Variants in ZNF804B observed in about 807,000 individuals in gnomAD.
ZNF804B encodes zinc finger 804B.
Under a neutral mutation model 101.4 loss-of-function variants are expected in ZNF804B, and 80 were observed. The observed-to-expected ratio is 0.79, with a 90% CI of 0.66 to 0.95. The LOEUF (loss-of-function observed/expected upper bound fraction) is 0.95, where lower values mean the gene tolerates loss of function less well. Among genes scored for constraint, ZNF804B ranks in the 40% least tolerant of loss-of-function variants. ZNF804B has a pLI of 0.00. For synonymous variants in ZNF804B, 622 were observed against 558.8 expected (o/e 1.11, Z -1.59); for missense variants, 1,673 against 1,561.9 (o/e 1.07, Z -1.20).
At chr7:89,001,911 C>A (rs987392507) in intron 1 of ZNF804B, among the ~76,000 whole-genome samples, 2 of 151,436 alleles carry the variant, frequency 1.3e-5, no homozygotes, top group East Asian at 3.9e-4. Context: ...TTAAAAGCAT[C>A]ATGTTATACA....
chr7:89,336,643 G>A lies in ZNF804B; in HGVS notation c.3661G>A (p.Ala1221Thr). Reference protein sequence around the residue: ...HTFLQHFAVSASLSSHSSHLP... With the variant: ...HTFLQHFAVSTSLSSHSSHLP... ...GTTCCTGCAGCATTTTGCTGTTTCTGCTTCCTTAAGTTCTCATAGCAGTCA... is the reference window on the plus strand; with the variant it reads ...GTTCCTGCAGCATTTTGCTGTTTCTACTTCCTTAAGTTCTCATAGCAGTCA... Residue 1221 changes from alanine to threonine, a missense_variant, in exon 4 of 4, where the codon GCT becomes ACT. By Grantham distance (58) the Ala-to-Thr change is moderately conservative. Coordinates refer to ENST00000333190, the MANE Select transcript of ZNF804B (RefSeq NM_181646.5). The A allele has an allele frequency of 8.7e-6, 14 of 1,614,036 alleles. No individual in the cohort carries two copies. The highest frequency in any genetic ancestry group is 1.1e-5 in the Non-Finnish European group (13 of 1,179,982).
chr7:89,053,770 A>T (rs901595802), intron 1 of ZNF804B, among the ~76,000 whole-genome samples: 1 of 151,532 alleles, frequency 6.6e-6, no homozygotes, highest in Non-Finnish European at 1.5e-5. Context: ...GTATACTCTT[A>T]TGCACTCAGA....
chr7:88,969,991 C>A (rs1793507512), intron 1 of ZNF804B, among the ~76,000 whole-genome samples: 1 of 151,422 alleles, frequency 6.6e-6, no homozygotes, highest in African/African-American at 2.4e-5. Flanking sequence ...CTCAACTGGT[C>A]TCTTCCTCCT....
intron 1 of ZNF804B, among the ~76,000 whole-genome samples, chr7:89,126,544 A>C (rs570762677): frequency 1.3e-5 from 2 of 152,154 alleles, no homozygotes; most frequent in Admixed American, 1.3e-4. Context: ...TAGAATGTCC[A>C]TCAAGAGAAT....
intron 2 of ZNF804B, among the ~76,000 whole-genome samples, chr7:89,287,325 T>C (rs554978578): frequency 6.6e-6 from 1 of 152,226 alleles, no homozygotes; most frequent in South Asian, 2.1e-4. Flanking sequence ...TACATACACG[T>C]GCACACACAC....
In ZNF804B at chr7:89,002,966, A is replaced by G. The variant is rs371077319; in HGVS notation, c.109-215189A>G. On this transcript the variant is annotated intron_variant, in intron 1 of 3. Coordinates refer to ENST00000333190, the MANE Select transcript of ZNF804B (RefSeq NM_181646.5). ...CAGTATAACTCTGAAGGAGTCTGCA[A>G]TGGTGATTAAAGGCAGTTATTGCAC... Among the ~76,000 whole-genome samples the G allele has an allele frequency of 7.4e-4, 113 of 152,026 alleles. 2 individuals carry two copies. Among genetic ancestry groups the G allele is most frequent in the Middle Eastern group, 3.4e-3 (1 of 294 alleles).
At chr7:89,322,091 T>C (rs889405229) in intron 2 of ZNF804B, among the ~76,000 whole-genome samples, 4 of 152,204 alleles carry the variant, frequency 2.6e-5, no homozygotes, top group Admixed American at 6.5e-5. Flanking sequence ...AAGGGAACTA[T>C]GGACCAATCA....
At chr7:89,176,591 CTT>C (rs35866405) in intron 1 of ZNF804B, among the ~76,000 whole-genome samples, 2 of 71,938 alleles carry the variant, frequency 2.8e-5, no homozygotes, top group Admixed American at 1.7e-4. Context: ...TTCTTTCTTT[CTT>C]TTTTTTTTTT....
intron 1 of ZNF804B, among the ~76,000 whole-genome samples, chr7:89,157,825 A>C (rs1467984737): frequency 6.6e-6 from 1 of 152,186 alleles, no homozygotes; most frequent in Non-Finnish European, 1.5e-5. Flanking sequence ...CTGCCAGGAA[A>C]GCAGTTTTGA....
intron 2 of ZNF804B, among the ~76,000 whole-genome samples, chr7:89,243,512 A>T (rs1376044201): frequency 6.6e-6 from 1 of 151,844 alleles, no homozygotes; most frequent in Non-Finnish European, 1.5e-5. Flanking sequence ...ATATACTTAT[A>T]CTCAAAAATA....
intron 1 of ZNF804B, among the ~76,000 whole-genome samples, chr7:88,775,093 A>G (rs1199280538): frequency 6.6e-6 from 1 of 152,264 alleles, no homozygotes; most frequent in Non-Finnish European, 1.5e-5. Flanking sequence ...GGCAACAAAC[A>G]GATTTTTATT....
intron 1 of ZNF804B, among the ~76,000 whole-genome samples, chr7:89,205,621 G>C (rs930013309): frequency 4.6e-5 from 7 of 152,156 alleles, no homozygotes; most frequent in Admixed American, 3.3e-4. Context: ...TCACATCCAG[G>C]TCACAGTGAT....
intron 2 of ZNF804B, among the ~76,000 whole-genome samples, chr7:89,271,525 T>C (rs1275403924): frequency 1.3e-5 from 2 of 152,134 alleles, no homozygotes; most frequent in Non-Finnish European, 2.9e-5. Flanking sequence ...GGTCTAAAAT[T>C]CTTTTTTTTG....
Position 89,165,352 on chromosome 7 carries a change from G to T in ZNF804B, c.109-52803G>T, listed in dbSNP as rs139880306. On this transcript the variant is annotated intron_variant, in intron 1 of 3. Coordinates refer to ENST00000333190, the MANE Select transcript of ZNF804B (RefSeq NM_181646.5). ...AAAAGATAGAGGATACACAAAGAATGACTTCAGAAGGTGATATATGCAAGC... is the reference window on the plus strand; with the variant it reads ...AAAAGATAGAGGATACACAAAGAATTACTTCAGAAGGTGATATATGCAAGC... Among the ~76,000 whole-genome samples, 18 of 152,114 alleles carry T rather than the reference G, an allele frequency of 1.2e-4. No individual in the cohort carries two copies. The East Asian group carries it at 2.9e-3, about 24-fold the overall frequency.
At chr7:89,000,739 TTC>T (rs1788273290) in intron 1 of ZNF804B, among the ~76,000 whole-genome samples, 1 of 151,834 alleles carries the variant, frequency 6.6e-6, no homozygotes, top group Middle Eastern at 3.4e-3. Context: ...GTATTTGTCT[TTC>T]TCTGTATGAC....
intron 1 of ZNF804B, among the ~76,000 whole-genome samples, chr7:88,954,595 G>A (rs1214692053): frequency 1.3e-5 from 2 of 150,750 alleles, no homozygotes; most frequent in East Asian, 4.0e-4. Context: ...GATATTTAAT[G>A]CACCTGCTGC....
At chr7:89,215,918 A>C (rs1443980048) in intron 1 of ZNF804B, among the ~76,000 whole-genome samples, 1 of 150,746 alleles carries the variant, frequency 6.6e-6, no homozygotes, top group African/African-American at 2.4e-5. Context: ...TAAATAAATA[A>C]ATAAATAAAT....
chr7:89,267,059 T>C (rs1298180112), intron 2 of ZNF804B, among the ~76,000 whole-genome samples: 1 of 152,212 alleles, frequency 6.6e-6, no homozygotes, highest in Non-Finnish European at 1.5e-5. Flanking sequence ...TTTGGAGTGA[T>C]TTGACCAACT....
chr7:88,855,687 T>C (rs556964562), intron 1 of ZNF804B, among the ~76,000 whole-genome samples: 1 of 152,342 alleles, frequency 6.6e-6, no homozygotes, highest in East Asian at 1.9e-4. Flanking sequence ...CCCATGCCTA[T>C]GTCCTGAATG....
Sources: gnomAD v4.1 joint callset for allele counts (sites outside exome capture counted in the v4.1 genomes callset) on GRCh38, gnomAD v4.1.1 for gene constraint, MANE v1.5 for transcripts, NCBI Gene and HGNC (gene_info 2026-07-23, HGNC 2026-07-21) for gene names.